Variants in LCORL observed in about 807,000 individuals in gnomAD.
LCORL encodes the protein ligand dependent nuclear receptor corepressor like.
LCORL carries 41 observed loss-of-function variants against 141.8 expected under a neutral mutation model. That is an observed-to-expected ratio of 0.29 (90% CI 0.23 to 0.38). The LOEUF (loss-of-function observed/expected upper bound fraction) is 0.38. LCORL is among the 10% of genes least tolerant of loss of function. LCORL has a pLI of 1.00. For synonymous variants in LCORL, 618 were observed against 694.1 expected (o/e 0.89, Z 1.72); for missense variants, 1,759 against 2,035.0 (o/e 0.86, Z 2.61).
At chr4:18,003,479 T>G (rs1297159083) in intron 1 of LCORL, among the ~76,000 whole-genome samples, 1 of 152,214 alleles carries the variant, frequency 6.6e-6, no homozygotes, top group Non-Finnish European at 1.5e-5. Flanking sequence ...AAATAGACTT[T>G]GTATTTGGTA....
At chr4:17,878,681 T>G (rs971380114) in intron 6 of LCORL, among the ~76,000 whole-genome samples, 2 of 151,376 alleles carry the variant, frequency 1.3e-5, no homozygotes, top group Non-Finnish European at 3.0e-5. Flanking sequence ...TAATAAAAGC[T>G]TTCCATAATC....
At chr4:17,887,781 C>T (rs1728494986) in intron 5 of LCORL, among the ~76,000 whole-genome samples, 1 of 152,102 alleles carries the variant, frequency 6.6e-6, no homozygotes, top group Non-Finnish European at 1.5e-5. Context: ...GGAGAATGGA[C>T]CGCAAGGAGC....
At chr4:17,966,869 T>C (rs1714984806) in intron 2 of LCORL, among the ~76,000 whole-genome samples, 1 of 152,200 alleles carries the variant, frequency 6.6e-6, no homozygotes, top group Non-Finnish European at 1.5e-5. Context: ...CCATTGAAGA[T>C]ACCCTTACAG....
At chr4:17,877,707 G>C (rs995600516) in exon 7 of LCORL, 28 of 1,230,538 alleles carry the variant, frequency 2.3e-5, no homozygotes, top group Non-Finnish European at 2.8e-5. Context: ...ATCTTTAAGA[G>C]TGACTGAAAG....
intron 5 of LCORL, among the ~76,000 whole-genome samples, chr4:17,893,763 T>C (rs1045079443): frequency 1.3e-5 from 2 of 152,212 alleles, no homozygotes; most frequent in Non-Finnish European, 2.9e-5. Context: ...CTGTGTTACA[T>C]TTGATTCTTA....
intron 5 of LCORL, among the ~76,000 whole-genome samples, chr4:17,886,533 G>A (rs1315771968): frequency 1.8e-4 from 27 of 152,000 alleles, no homozygotes; most frequent in Admixed American, 3.3e-4. Flanking sequence ...TGGGAGTGAT[G>A]TAAATTGTAC....
At chr4:17,905,578 G>A (rs774031498) in intron 5 of LCORL, among the ~76,000 whole-genome samples, 15 of 151,644 alleles carry the variant, frequency 9.9e-5, no homozygotes, top group Non-Finnish European at 1.2e-4. Context: ...AAAAAGGAAA[G>A]CACAAAATAG....
chr4:17,884,309 T>C lies in LCORL; in HGVS notation c.776+1759A>G, dbSNP rs1470937271. The stretch of plus-strand genomic sequence containing the variant: ...AGGAATTTTTAACTGTACAGTAGGA[T>C]TTGAAGTTTCATATTGGAGGCTTTC... On this transcript the variant is annotated intron_variant, in intron 6 of 7. Coordinates refer to ENST00000635767, the Ensembl canonical transcript of LCORL. This position sits in a 1 kb window ranked among gnomAD's most constrained non-coding sequence, Gnocchi z 4.4. The C allele has an allele frequency of 6.5e-7, 1 of 1,549,088 alleles. No homozygotes were observed. Among genetic ancestry groups the C allele is most frequent in the Non-Finnish European group, 8.7e-7 (1 of 1,145,978 alleles).
At chr4:17,958,114 G>A (rs981434493) in intron 4 of LCORL, among the ~76,000 whole-genome samples, 1 of 151,796 alleles carries the variant, frequency 6.6e-6, no homozygotes, top group Non-Finnish European at 1.5e-5. Flanking sequence ...GTTCCCAAAA[G>A]GCACGGGAAA....
chr4:17,880,991 T>G, intron 6 of LCORL: 1 of 983,578 alleles, frequency 1.0e-6, no homozygotes, highest in Non-Finnish European at 1.2e-6. Flanking sequence ...ATACTGCAAT[T>G]AAAAAACAAA....
At chr4:17,964,769 A>G (rs1714531826) in intron 2 of LCORL, among the ~76,000 whole-genome samples, 2 of 152,136 alleles carry the variant, frequency 1.3e-5, no homozygotes, top group Admixed American at 1.3e-4. Flanking sequence ...ATAAGCGTGC[A>G]AAAGATTTTG....
chr4:17,870,445 G>C (rs914468342), intron 7 of LCORL, among the ~76,000 whole-genome samples: 1 of 152,104 alleles, frequency 6.6e-6, no homozygotes, highest in Non-Finnish European at 1.5e-5. Context: ...AGGAAACCTT[G>C]CCTAATTCCC....
chr4:17,936,710 C>T (rs1162924130), intron 4 of LCORL, among the ~76,000 whole-genome samples: 17 of 152,084 alleles, frequency 1.1e-4, no homozygotes, highest in Admixed American at 9.2e-4. Context: ...GAGAGGTTAA[C>T]GGAGAATATT....
Position 17,972,804 on chromosome 4 carries a change from A to C in LCORL, c.220+16T>G. ...GATGGGAAATGACAACTTTTAAATA[A>C]AATTTTAAAAATTACCTTCAAATAA... is the stretch of plus-strand genomic sequence containing the variant. On this transcript the variant is annotated intron_variant, in intron 2 of 7. Transcript: ENST00000635767. 2 of 1,361,334 alleles carry C rather than the reference A, an allele frequency of 1.5e-6. No individual in the cohort carries two copies. Among genetic ancestry groups the C allele is most frequent in the South Asian group, 1.8e-5 (1 of 56,378 alleles). The allele number at this position is 1,361,334 out of a possible 1,614,324, so 84.3% of individuals were successfully genotyped here. A position where few individuals can be genotyped will look rare whatever the true frequency, so the allele number is the denominator to read the frequency against.
intron 5 of LCORL, 99 bp from the exon 6 acceptor site, chr4:17,886,260 G>A (rs1728254325): frequency 1.4e-6 from 1 of 709,644 alleles, no homozygotes; most frequent in African/African-American, 1.8e-5. Context: ...CATAACACTA[G>A]TATTTGATAT....
At chr4:17,958,357 G>A (rs534106141) in intron 4 of LCORL, among the ~76,000 whole-genome samples, 12 of 151,636 alleles carry the variant, frequency 7.9e-5, no homozygotes, top group South Asian at 2.1e-4. Flanking sequence ...AGTATGATTC[G>A]TTCAGCTACT....
chr4:17,905,154 C>T (rs1731416039), intron 5 of LCORL, among the ~76,000 whole-genome samples: 2 of 152,032 alleles, frequency 1.3e-5, no homozygotes, highest in Non-Finnish European at 2.9e-5. Flanking sequence ...GTAAGGACCT[C>T]TCATCAAATG....
intron 4 of LCORL, among the ~76,000 whole-genome samples, chr4:17,956,735 G>A (rs183640285): frequency 2.0e-4 from 30 of 152,124 alleles, no homozygotes; most frequent in African/African-American, 7.0e-4. Flanking sequence ...TGGTACAGTA[G>A]GGTGACTACA....
chr4:17,889,167 T>C (rs1295458072), intron 5 of LCORL, among the ~76,000 whole-genome samples: 1 of 152,116 alleles, frequency 6.6e-6, no homozygotes, highest in Non-Finnish European at 1.5e-5. Context: ...AAGCACCAAC[T>C]ATAGCGCATT....
Sources: allele counts gnomAD v4.1 joint callset (sites outside exome capture counted in the v4.1 genomes callset), GRCh38; gene constraint gnomAD v4.1.1; non-coding constraint Gnocchi (gnomAD v3.1); transcripts MANE v1.5; gene names NCBI Gene and HGNC (gene_info 2026-07-23, HGNC 2026-07-21).